LATS2: variants seen among roughly 807,000 people sequenced by gnomAD.
LATS2 encodes serine/threonine-protein kinase LATS2.
A neutral mutation model predicts 76.0 loss-of-function variants in LATS2; 24 were observed. The ratio of observed to expected loss-of-function variants is 0.32; its 90% CI spans 0.23 to 0.44. The LOEUF (loss-of-function observed/expected upper bound fraction) is 0.44, where lower values mean the gene tolerates loss of function less well. Among genes scored for constraint, LATS2 ranks in the 20% least tolerant of loss-of-function variants. The pLI is 1.00. For synonymous variants in LATS2, 692 were observed against 635.4 expected, an observed-to-expected ratio of 1.09 and a Z score of -1.34; for missense variants, 1,286 against 1,481.2, an observed-to-expected ratio of 0.87 and a Z score of 2.16.
At chr13:21,007,699 A>ATATATATT (rs1173839566) in intron 2 of LATS2, among the ~76,000 whole-genome samples, 1 of 584 alleles carries the variant, frequency 1.7e-3, no homozygotes, top group Non-Finnish European at 4.5e-3. Context: ...ATATATATAT[A>ATATATATT]GTATGTATAT....
At chr13:21,007,885 G>A (rs1196517091) in intron 2 of LATS2, among the ~76,000 whole-genome samples, 3 of 142,776 alleles carry the variant, frequency 2.1e-5, no homozygotes, top group African/African-American at 7.9e-5. Flanking sequence ...TCAGCCTCCT[G>A]AGTAGCTGGA....
chr13:21,002,379 T>A (rs1871091827), intron 2 of LATS2, among the ~76,000 whole-genome samples: 1 of 151,410 alleles, frequency 6.6e-6, no homozygotes, highest in East Asian at 1.9e-4. Flanking sequence ...ATTAACTTTT[T>A]TTTTTTTTTT....
chr13:21,035,727 T>G lies in LATS2; in HGVS notation c.342+9958A>C, dbSNP rs184457118. ...AAATGCTAATATCTGTACTGCACAC[T>G]GGGATAGAAGAGCAGGTTGCTCGCA... On this transcript the variant is annotated intron_variant, in intron 2 of 7. Coordinates refer to ENST00000382592, the MANE Select transcript of LATS2 (RefSeq NM_014572.3). Among the ~76,000 whole-genome samples the G allele has an allele frequency of 2.6e-3, 390 of 152,304 alleles. 1 individual carries two copies. Among genetic ancestry groups the G allele is most frequent in the Admixed American group, 0.012 (191 of 15,288 alleles).
chr13:20,980,334 G>C (rs1413606962), intron 6 of LATS2, among the ~76,000 whole-genome samples: 1 of 152,212 alleles, frequency 6.6e-6, no homozygotes. Flanking sequence ...GCTCCCAGCT[G>C]TGCTGGGTCA....
Position 20,981,661 on chromosome 13 carries a change from A to G in LATS2, c.2483-13T>C, listed in dbSNP as rs1404199741. ...CTGACATGGCTCCCTTCACCCAGGA[A>G]TCAGGGATAGTGAAAGAAAAGAACA... On this transcript the variant is annotated splice_polypyrimidine_tract_variant and intron_variant, in intron 5 of 7. Transcript: ENST00000382592. 3.2e-6 allele frequency: 5 copies of G among 1,582,946 alleles called. No homozygotes were observed. Among genetic ancestry groups the G allele is most frequent in the Non-Finnish European group, 4.3e-6 (5 of 1,165,994 alleles).
At chr13:20,987,745 G>T in intron 4 of LATS2, 136 bp downstream of exon 4, 1 of 1,002,748 alleles carries the variant, frequency 1.0e-6, no homozygotes, top group Non-Finnish European at 1.4e-6. Context: ...GTTGGCCCCA[G>T]AACCAGACTG....
intron 2 of LATS2, among the ~76,000 whole-genome samples, chr13:21,028,721 C>A (rs1174470983): frequency 6.6e-6 from 1 of 152,186 alleles, no homozygotes; most frequent in Non-Finnish European, 1.5e-5. Context: ...CAGGCATGCA[C>A]CACCACGCCC....
rs751975912 is a variant in LATS2, at chr13:20,988,336, C to G, written c.1444G>C (p.Glu482Gln). The G allele has an allele frequency of 4.9e-6, 7 of 1,439,464 alleles. No individual in the cohort carries two copies. The South Asian group carries it at 1.0e-4, about 21-fold the overall frequency. 89.2% of individuals were successfully genotyped at this position (1,439,464 alleles called of 1,614,324 possible). The change falls in exon 4 of 8, where the codon GAG becomes CAG. Residue 482 changes from glutamate to glutamine, a missense_variant. This residue lies in a region of LATS2 where 710 missense variants were observed against 660.9 expected (regional missense o/e 1.07). Transcript: ENST00000382592. ...APAPAPAPAAEGLDAKEEHAL... is the reference protein window; with the variant it reads ...APAPAPAPAAQGLDAKEEHAL... ...TGCTCCTCCTTGGCGTCCAAGCCCTCCGCAGCCGGGGCGGGGGCGGGGGCG... is the reference window on the plus strand; with the variant it reads ...TGCTCCTCCTTGGCGTCCAAGCCCTGCGCAGCCGGGGCGGGGGCGGGGGCG...
chr13:21,045,913 G>A lies in LATS2; in HGVS notation c.114C>T (p.Pro38=), dbSNP rs200664265. ...QPSKSSVQGL[P]AGPNSDTSLD... is the part of the protein sequence containing the mutation. ...GGGAAGTGTCACTGTTTGGTCCTGC[G>A]GGTAGCCCCTGAACCGAAGACTTGG... Residue 38 remains proline (P), a synonymous_variant, in exon 2 of 8, where the codon CCC becomes CCT. Transcript: ENST00000382592. 7.4e-6 allele frequency: 12 copies of A among 1,614,004 alleles called. No homozygotes were observed. Among genetic ancestry groups the A allele is most frequent in the East Asian group, 6.7e-5 (3 of 44,882 alleles).
In LATS2 at chr13:20,983,732, T is replaced by C; in HGVS notation, c.1974A>G (p.Leu658=). Residue 658 remains leucine (L), a synonymous_variant, in exon 5 of 8, where the codon TTA becomes TTG. Transcript: ENST00000382592. ...TAGACTTGTCCATCTTGGCCCTCTT[T>C]AACCTGTTGTAATTAGACTCTTTCT... ...LYQKESNYNR[L]KRAKMDKSMF... 6.2e-7 allele frequency: 1 copy of C among 1,614,166 alleles called. No individual in the cohort carries two copies. The highest frequency in any genetic ancestry group is 1.1e-5 in the South Asian group (1 of 91,080).
intron 1 of LATS2, among the ~76,000 whole-genome samples, chr13:21,048,833 G>A (rs906716618): frequency 1.6e-4 from 24 of 151,332 alleles, no homozygotes; most frequent in African/African-American, 5.6e-4. Flanking sequence ...GCGAAACTCC[G>A]TCTCAAAAAA....
At chr13:20,982,182 A>C (rs1032240193) in intron 5 of LATS2, among the ~76,000 whole-genome samples, 6 of 152,248 alleles carry the variant, frequency 3.9e-5, no homozygotes, top group African/African-American at 1.4e-4. Context: ...CTCAGCCATA[A>C]AGAAGATAAT....
chr13:21,003,638 C>T (rs1229255150), intron 2 of LATS2, among the ~76,000 whole-genome samples: 1 of 152,106 alleles, frequency 6.6e-6, no homozygotes, highest in Non-Finnish European at 1.5e-5. Context: ...GATGGGGTTT[C>T]ACCATGTTGA....
At chr13:21,006,722 G>A (rs1871280230) in intron 2 of LATS2, among the ~76,000 whole-genome samples, 1 of 152,222 alleles carries the variant, frequency 6.6e-6, no homozygotes, top group African/African-American at 2.4e-5. Context: ...TGGCACATAG[G>A]CGTGCCTCAC....
intron 4 of LATS2, among the ~76,000 whole-genome samples, chr13:20,987,621 T>C (rs895244549): frequency 6.6e-6 from 1 of 152,232 alleles, no homozygotes; most frequent in African/African-American, 2.4e-5. Context: ...ACAATGTAAA[T>C]TGTAGATTAC....
intron 2 of LATS2, among the ~76,000 whole-genome samples, chr13:21,010,193 CTG>C (rs1871531741): frequency 7.4e-6 from 1 of 134,520 alleles, no homozygotes; most frequent in Non-Finnish European, 1.5e-5. Flanking sequence ...GAGCTAGACT[CTG>C]TCAAAAAAAC....
At chr13:21,032,866 G>A (rs1872578189) in intron 2 of LATS2, among the ~76,000 whole-genome samples, 1 of 152,274 alleles carries the variant, frequency 6.6e-6, no homozygotes, top group East Asian at 1.9e-4. Flanking sequence ...CACTTCAGGG[G>A]GCGACAGCAT....
chr13:20,991,442 C>G lies in LATS2; in HGVS notation c.343-38G>C, dbSNP rs1220175822. The stretch of plus-strand genomic sequence containing the variant: ...TAAAGGAGAGGTAAGTGCATGTCAT[C>G]CTAAAACAAAGCCACCAAAGACTCC... On this transcript the variant is annotated intron_variant, in intron 2 of 7. Coordinates refer to ENST00000382592, the MANE Select transcript of LATS2 (RefSeq NM_014572.3). The surrounding 1 kb of genome is among the most constrained non-coding windows in gnomAD (Gnocchi z 4.9). The G allele has an allele frequency of 2.5e-6, 4 of 1,612,986 alleles. No homozygotes were observed. The highest frequency in any genetic ancestry group is 2.5e-6 in the Non-Finnish European group (3 of 1,179,550).
intron 2 of LATS2, among the ~76,000 whole-genome samples, chr13:21,000,916 G>A (rs181721697): frequency 8.5e-5 from 13 of 152,168 alleles, no homozygotes; most frequent in African/African-American, 2.9e-4. Flanking sequence ...ATTAGAACAT[G>A]AAAAAAATTA....
Sources: gnomAD v4.1 joint callset for allele counts (sites outside exome capture counted in the v4.1 genomes callset) on GRCh38, gnomAD v4.1.1 for gene constraint, gnomAD v4.1.1 regional missense constraint, Gnocchi (gnomAD v3.1) non-coding constraint, MANE v1.5 for transcripts, NCBI Gene and HGNC (gene_info 2026-07-23, HGNC 2026-07-21) for gene names.